MAP2K6: variants seen among roughly 807,000 people sequenced by gnomAD.
The protein encoded by MAP2K6 is dual specificity mitogen-activated protein kinase kinase 6.
In MAP2K6, 16 loss-of-function variants were observed where a neutral mutation model predicts 53.7. The observed-to-expected ratio is 0.30, with a 90% confidence interval of 0.20 to 0.45. The LOEUF (loss-of-function observed/expected upper bound fraction) is 0.45, where lower values mean the gene tolerates loss of function less well. MAP2K6 is among the 20% of genes least tolerant of loss of function. MAP2K6 has a pLI of 1.00. For synonymous variants in MAP2K6, 132 were observed against 143.1 expected (o/e 0.92, Z 0.55); for missense variants, 204 against 411.9 (o/e 0.50, Z 4.37).
chr17:69,476,588 T>C (rs796841656), intron 1 of MAP2K6, among the ~76,000 whole-genome samples: 2 of 152,210 alleles, frequency 1.3e-5, no homozygotes, highest in South Asian at 4.1e-4. Flanking sequence ...ACTACACTGA[T>C]AGATTAGGCA....
At chr17:69,484,077 A>G (rs1320002925) in intron 1 of MAP2K6, among the ~76,000 whole-genome samples, 4 of 152,120 alleles carry the variant, frequency 2.6e-5, no homozygotes, top group Non-Finnish European at 4.4e-5. Flanking sequence ...CACCTATGAA[A>G]AGATAGGTAA....
At chr17:69,492,364 C>A (rs540680333) in intron 1 of MAP2K6, among the ~76,000 whole-genome samples, 14 of 152,184 alleles carry the variant, frequency 9.2e-5, no homozygotes, top group Non-Finnish European at 1.6e-4. Flanking sequence ...CAACCTTCTG[C>A]ATATAGCTAG....
At chr17:69,488,697 A>T (rs1243496212) in intron 1 of MAP2K6, among the ~76,000 whole-genome samples, 1 of 152,170 alleles carries the variant, frequency 6.6e-6, no homozygotes, top group East Asian at 1.9e-4. Flanking sequence ...TGGGAGCTAA[A>T]CACTTATGTC....
chr17:69,456,786 C>T (rs938115369), intron 1 of MAP2K6, among the ~76,000 whole-genome samples: 7 of 152,204 alleles, frequency 4.6e-5, no homozygotes, highest in Non-Finnish European at 8.8e-5. Context: ...TCTTACCCCA[C>T]CTGCCCTTAT....
chr17:69,472,592 C>T (rs560072968), intron 1 of MAP2K6, among the ~76,000 whole-genome samples: 23 of 152,246 alleles, frequency 1.5e-4, no homozygotes, highest in African/African-American at 4.6e-4. Context: ...CACCCTGAGA[C>T]GGGATGGCAT....
intron 1 of MAP2K6, among the ~76,000 whole-genome samples, chr17:69,424,171 T>C (rs1443310405): frequency 6.6e-6 from 1 of 152,200 alleles, no homozygotes; most frequent in Non-Finnish European, 1.5e-5. Flanking sequence ...GAATATTCTT[T>C]GTGCTCACAG....
chr17:69,508,543 G>A (rs1487732286), intron 2 of MAP2K6, among the ~76,000 whole-genome samples: 2 of 152,030 alleles, frequency 1.3e-5, no homozygotes, highest in Admixed American at 6.6e-5. Flanking sequence ...TTCTGGACAC[G>A]AGGACTTTGT....
chr17:69,518,139 G>A (rs1172975832), intron 4 of MAP2K6, among the ~76,000 whole-genome samples: 4 of 152,188 alleles, frequency 2.6e-5, no homozygotes, highest in East Asian at 1.9e-4. Context: ...GTGGTGAGCC[G>A]AGATCGTGCC....
At chr17:69,531,274 G>A (rs752440304) in intron 10 of MAP2K6, among the ~76,000 whole-genome samples, 7 of 152,026 alleles carry the variant, frequency 4.6e-5, no homozygotes, top group African/African-American at 9.7e-5. Context: ...CATTATACCC[G>A]CAGCCTAGGT....
At chr17:69,432,345 A>G (rs1041678469) in intron 1 of MAP2K6, among the ~76,000 whole-genome samples, 4 of 152,258 alleles carry the variant, frequency 2.6e-5, no homozygotes, top group Non-Finnish European at 5.9e-5. Context: ...ATGAAGATAC[A>G]TGCACAAGTG....
intron 2 of MAP2K6, among the ~76,000 whole-genome samples, chr17:69,509,424 A>AT (rs1301563504): frequency 2.6e-5 from 4 of 151,990 alleles, no homozygotes; most frequent in Non-Finnish European, 5.9e-5. Flanking sequence ...AATGCAATAG[A>AT]TTTTTTCTGT....
chr17:69,527,910 G>A (rs886552239), intron 10 of MAP2K6, among the ~76,000 whole-genome samples: 4 of 152,138 alleles, frequency 2.6e-5, no homozygotes, highest in African/African-American at 9.7e-5. Flanking sequence ...GAGGTCAGGA[G>A]TTCAAGACCA....
intron 1 of MAP2K6, among the ~76,000 whole-genome samples, chr17:69,468,867 C>G (rs1008562951): frequency 6.6e-6 from 1 of 152,160 alleles, no homozygotes; most frequent in African/African-American, 2.4e-5. Flanking sequence ...GCGGGTTGAA[C>G]AAGCAATCCA....
chr17:69,536,359 A>G (rs1389088299), intron 11 of MAP2K6, among the ~76,000 whole-genome samples, 199 bp downstream of exon 11: 2 of 152,220 alleles, frequency 1.3e-5, no homozygotes, highest in Non-Finnish European at 2.9e-5. Context: ...ACCTGTCACT[A>G]TTCTTAGTAG....
intron 1 of MAP2K6, among the ~76,000 whole-genome samples, chr17:69,469,041 G>A (rs1907903111): frequency 6.6e-6 from 1 of 152,216 alleles, no homozygotes; most frequent in Admixed American, 6.5e-5. Flanking sequence ...GTGGTCTGCA[G>A]CAGAGAGTGC....
intron 1 of MAP2K6, among the ~76,000 whole-genome samples, chr17:69,468,118 T>G (rs1907872998): frequency 6.6e-6 from 1 of 152,182 alleles, no homozygotes; most frequent in Admixed American, 6.5e-5. Context: ...TCAGCCCAAG[T>G]GCACCCCTTC....
intron 1 of MAP2K6, among the ~76,000 whole-genome samples, chr17:69,449,601 TTCTC>T (rs1907131415): frequency 7.0e-6 from 1 of 143,184 alleles, no homozygotes; most frequent in Non-Finnish European, 1.5e-5. Flanking sequence ...TTTTCTTTCT[TTCTC>T]TCTCTTTTTT....
intron 1 of MAP2K6, among the ~76,000 whole-genome samples, chr17:69,451,926 T>C (rs557663609): frequency 7.2e-5 from 11 of 152,238 alleles, no homozygotes; most frequent in African/African-American, 2.4e-4. Context: ...GCTGGCAGTC[T>C]GGAGAATGTA....
At chr17:69,420,829 T>C (rs1438372844) in intron 1 of MAP2K6, among the ~76,000 whole-genome samples, 1 of 152,232 alleles carries the variant, frequency 6.6e-6, no homozygotes, top group Non-Finnish European at 1.5e-5. Flanking sequence ...GCTGATGGTA[T>C]AATGAGCAGG....
Sources: allele counts gnomAD v4.1 joint callset (sites outside exome capture counted in the v4.1 genomes callset), GRCh38; gene constraint gnomAD v4.1.1; transcripts MANE v1.5; gene names NCBI Gene and HGNC (gene_info 2026-07-23, HGNC 2026-07-21).